SEZ6L: variants seen among roughly 807,000 people sequenced by gnomAD.
SEZ6L encodes seizure related 6 homolog like, also known as seizure 6-like protein.
A neutral mutation model predicts 106.2 loss-of-function variants in SEZ6L; 37 were observed. The ratio of observed to expected loss-of-function variants is 0.35; its 90% CI spans 0.27 to 0.46. SEZ6L has a LOEUF of 0.46. SEZ6L is among the 20% of genes least tolerant of loss of function. The pLI, the probability that SEZ6L is intolerant of heterozygous loss-of-function variation, is 1.00. For synonymous variants in SEZ6L, 541 were observed against 570.4 expected (o/e 0.95, Z 0.73); for missense variants, 1,172 against 1,332.8 (o/e 0.88, Z 1.88).
At chr22:26,319,149 G>C (rs554770614) in intron 9 of SEZ6L, among the ~76,000 whole-genome samples, 2 of 152,128 alleles carry the variant, frequency 1.3e-5, no homozygotes, top group African/African-American at 4.8e-5. Context: ...CCCACACCCT[G>C]TAGCCAAATC....
At chr22:26,204,813 A>T (rs1350187450) in intron 1 of SEZ6L, among the ~76,000 whole-genome samples, 1 of 152,228 alleles carries the variant, frequency 6.6e-6, no homozygotes, top group Admixed American at 6.5e-5. Flanking sequence ...ATATGCTCTA[A>T]TGAGCTGGAT....
chr22:26,309,728 G>A (rs926056824), intron 6 of SEZ6L, among the ~76,000 whole-genome samples: 3 of 152,060 alleles, frequency 2.0e-5, no homozygotes, highest in East Asian at 1.9e-4. Context: ...ATAGGCACGC[G>A]CCACCATATC....
At chr22:26,219,676 G>T (rs1027859364) in intron 1 of SEZ6L, among the ~76,000 whole-genome samples, 1 of 152,128 alleles carries the variant, frequency 6.6e-6, no homozygotes, top group Non-Finnish European at 1.5e-5. Context: ...AAAGTTCTGG[G>T]TATGTGAATA....
intron 12 of SEZ6L, among the ~76,000 whole-genome samples, chr22:26,358,904 C>A (rs537655956): frequency 1.3e-5 from 2 of 152,306 alleles, no homozygotes; most frequent in South Asian, 4.1e-4. Context: ...GCCCCCACCA[C>A]AAAGAATTAT....
In SEZ6L at chr22:26,306,104, C is replaced by A; in HGVS notation, c.1474C>A (p.His492Asn). Residue 492 changes from histidine to asparagine, a missense_variant, in exon 6 of 17, where the codon CAC becomes AAC. His to Asn is a moderately conservative substitution (Grantham distance 68). This residue lies in a region of SEZ6L where 534 missense variants were observed against 691.0 expected (regional missense o/e 0.77). Transcript: ENST00000248933. ...TGAAGCTCCAGAGGGCCAGAAGCTGCACCTGCACTTTGAGAGGCTGTTGCT... is the reference window on the plus strand; with the variant it reads ...TGAAGCTCCAGAGGGCCAGAAGCTGAACCTGCACTTTGAGAGGCTGTTGCT... The part of the protein sequence containing the change: ...TIEAPEGQKL[H>N]LHFERLLLHD... 6.2e-7 allele frequency: 1 copy of A among 1,614,128 alleles called. No individual in the cohort carries two copies. Among genetic ancestry groups the A allele is most frequent in the Non-Finnish European group, 8.5e-7 (1 of 1,180,026 alleles).
rs1569450015 is a variant in SEZ6L at position 26,294,891 on chromosome 22, TGC to T, written c.969+467_969+468del. On this transcript the variant is annotated intron_variant, in intron 3 of 16. Transcript: ENST00000248933. ...TCTTTCTCTTTCTTTCTTTCTTTCT[TGC>T]TTGCTTGCTTGCTTCCTGCTTTCTT... is the stretch of plus-strand genomic sequence containing the variant. Among the ~76,000 whole-genome samples the T allele has an allele frequency of 1.6e-3, 232 of 143,862 alleles. 4 individuals carry two copies. The highest frequency in any genetic ancestry group is 5.7e-3 in the African/African-American group (220 of 38,626). 94.4% of individuals were successfully genotyped at this position (143,862 alleles called of 152,430 possible).
intron 1 of SEZ6L, among the ~76,000 whole-genome samples, chr22:26,176,932 A>G (rs6004951): frequency 0.016 from 2,465 of 152,242 alleles, 67 homozygotes; most frequent in African/African-American, 0.056. Flanking sequence ...TAATTCATAC[A>G]CTGATAATGC....
intron 1 of SEZ6L, among the ~76,000 whole-genome samples, chr22:26,218,965 A>C (rs775460953): frequency 1.7e-4 from 26 of 152,162 alleles, no homozygotes; most frequent in Non-Finnish European, 3.7e-4. Context: ...AAGAAACGAA[A>C]AGAAAAAAGA....
chr22:26,277,092 C>T (rs961734786), intron 1 of SEZ6L, among the ~76,000 whole-genome samples: 8 of 148,006 alleles, frequency 5.4e-5, no homozygotes, highest in African/African-American at 1.8e-4. Context: ...CTCTTGTAGC[C>T]GAAACACTGA....
At chr22:26,309,160 C>T (rs1232563868) in intron 6 of SEZ6L, among the ~76,000 whole-genome samples, 1 of 152,148 alleles carries the variant, frequency 6.6e-6, no homozygotes, top group African/African-American at 2.4e-5. Context: ...GTGTTTATGA[C>T]TCCATAAAAG....
At chr22:26,376,158 C>T (rs2084216385) in intron 15 of SEZ6L, among the ~76,000 whole-genome samples, 1 of 151,296 alleles carries the variant, frequency 6.6e-6, no homozygotes, top group African/African-American at 2.4e-5. Flanking sequence ...TTGTTGAGCA[C>T]TTACTAGGTG....
intron 12 of SEZ6L, among the ~76,000 whole-genome samples, chr22:26,362,409 G>T (rs1941126): frequency 0.7 from 106,154 of 152,134 alleles, 37,459 homozygotes; most frequent in East Asian, 0.96. Flanking sequence ...CAAAATCTCT[G>T]CCTCTCTCGC....
intron 1 of SEZ6L, among the ~76,000 whole-genome samples, chr22:26,171,995 G>A (rs530767826): frequency 6.6e-6 from 1 of 152,118 alleles, no homozygotes; most frequent in South Asian, 2.1e-4. Context: ...AAAGGGACTT[G>A]TTGCTACATT....
chr22:26,190,075 C>T (rs1471000840), intron 1 of SEZ6L, among the ~76,000 whole-genome samples: 3 of 147,516 alleles, frequency 2.0e-5, no homozygotes, highest in East Asian at 2.0e-4. Context: ...CCAGCCTGGG[C>T]GACAGAGCAA....
intron 1 of SEZ6L, among the ~76,000 whole-genome samples, chr22:26,233,684 G>C (rs1158814716): frequency 6.6e-6 from 1 of 152,194 alleles, no homozygotes; most frequent in African/African-American, 2.4e-5. Context: ...CTACATGCAA[G>C]CCTCTGGTCT....
At chr22:26,255,373 GAGA>G (rs1453639098) in intron 1 of SEZ6L, among the ~76,000 whole-genome samples, 2 of 152,342 alleles carry the variant, frequency 1.3e-5, no homozygotes, top group Non-Finnish European at 2.9e-5. Context: ...GGCCTTCATA[GAGA>G]AGAAGAATCC....
intron 1 of SEZ6L, among the ~76,000 whole-genome samples, chr22:26,240,976 G>A (rs574297215): frequency 6.6e-6 from 1 of 152,310 alleles, no homozygotes; most frequent in African/African-American, 2.4e-5. Context: ...GAGGCAGACA[G>A]AGGAGGGCAA....
chr22:26,292,389 T>C lies in SEZ6L; in HGVS notation c.95-17T>C. The stretch of plus-strand genomic sequence containing the variant: ...AAATCTCCCCAAACTAACTGGTGTC[T>C]TTTCTCCTCTTCCAAGATGCTCTTC... On this transcript the variant is annotated splice_polypyrimidine_tract_variant and intron_variant, in intron 1 of 16. Transcript: ENST00000248933. The C allele has an allele frequency of 6.3e-7, 1 of 1,595,004 alleles. No individual in the cohort carries two copies.
At chr22:26,177,199 T>G (rs1052752652) in intron 1 of SEZ6L, among the ~76,000 whole-genome samples, 1 of 152,158 alleles carries the variant, frequency 6.6e-6, no homozygotes, top group African/African-American at 2.4e-5. Flanking sequence ...ATTTTTTATC[T>G]GAAAAATGGG....
Sources: allele counts gnomAD v4.1 joint callset (sites outside exome capture counted in the v4.1 genomes callset), GRCh38; gene constraint gnomAD v4.1.1; regional missense constraint gnomAD v4.1.1; transcripts MANE v1.5; gene names NCBI Gene and HGNC (gene_info 2026-07-23, HGNC 2026-07-21).